The following MYCBP2 variants were observed in gnomAD, a reference collection of about 807,000 sequenced individuals.
The protein encoded by MYCBP2 is MYC binding protein 2, also known as E3 ubiquitin-protein ligase MYCBP2.
In MYCBP2, 120 loss-of-function variants were observed where a neutral mutation model predicts 525.3. That is an observed-to-expected ratio of 0.23 (90% CI 0.20 to 0.27). The LOEUF (loss-of-function observed/expected upper bound fraction) is 0.27, where lower values mean the gene tolerates loss of function less well. MYCBP2 is among the 10% of genes least tolerant of loss of function. The probability of loss-of-function intolerance (pLI) is 1.00; values close to 1 mark genes in which losing one functional copy is unlikely to be tolerated. For synonymous variants in MYCBP2, 1,894 were observed against 1,955.8 expected, an observed-to-expected ratio of 0.97 and a Z score of 0.83; for missense variants, 4,149 against 5,657.1, an observed-to-expected ratio of 0.73 and a Z score of 8.55.
At position 77,051,769 on chromosome 13, in the gene MYCBP2, A is replaced by G. The variant is rs746202161; in HGVS notation, c.13755+42T>C. ...TATTGTTTAAAAAATAATACTATTT[A>G]ACATTTCTAAACTGTTGTTTCTAAT... is the stretch of plus-strand genomic sequence containing the variant. On this transcript the variant is annotated intron_variant, in intron 81 of 82. Coordinates refer to ENST00000544440, the MANE Select transcript of MYCBP2 (RefSeq NM_015057.5). 20 of 1,441,842 alleles carry G rather than the reference A, an allele frequency of 1.4e-5. No homozygotes were observed. The South Asian group carries it at 2.3e-4, about 17-fold the overall frequency. The allele number at this position is 1,441,842 out of a possible 1,614,324, so 89.3% of individuals were successfully genotyped here. A position where few individuals can be genotyped will look rare whatever the true frequency, so the allele number is the denominator to read the frequency against.
intron 1 of MYCBP2, among the ~76,000 whole-genome samples, chr13:77,304,886 C>T (rs1010313471): frequency 3.3e-5 from 5 of 151,572 alleles, no homozygotes; most frequent in Non-Finnish European, 7.4e-5. Context: ...AGATGCTGCC[C>T]ATAAATTTGA....
At chr13:77,181,645 T>C in intron 33 of MYCBP2, 56 bp downstream of exon 33, 2 of 1,436,194 alleles carry the variant, frequency 1.4e-6, no homozygotes, top group Non-Finnish European at 9.7e-7. Context: ...AGGCAATAAA[T>C]AAAACCATTT....
At chr13:77,294,143 C>CATATATATATATACAT (rs2077913987) in intron 2 of MYCBP2, among the ~76,000 whole-genome samples, 1 of 39,714 alleles carries the variant, frequency 2.5e-5, no homozygotes, top group Non-Finnish European at 8.0e-5. Context: ...TATATATATA[C>CATATATATATATACAT]ATATATATAA....
intron 38 of MYCBP2, among the ~76,000 whole-genome samples, chr13:77,170,571 AG>A (rs1304966230): frequency 6.6e-6 from 1 of 150,454 alleles, no homozygotes; most frequent in Non-Finnish European, 1.5e-5. Flanking sequence ...AAGGAGGTGG[AG>A]GTAACTTTTT....
intron 19 of MYCBP2, among the ~76,000 whole-genome samples, chr13:77,224,745 A>G (rs1292796348): frequency 2.6e-5 from 4 of 152,184 alleles, no homozygotes; most frequent in Non-Finnish European, 5.9e-5. Flanking sequence ...TTTTCATAAT[A>G]CACACTTAAA....
chr13:77,137,296 C>G (rs2053903059), intron 52 of MYCBP2, among the ~76,000 whole-genome samples: 1 of 152,204 alleles, frequency 6.6e-6, no homozygotes, highest in Non-Finnish European at 1.5e-5. Context: ...TTCCTTTCTA[C>G]TTTTGTTTAT....
intron 49 of MYCBP2, among the ~76,000 whole-genome samples, chr13:77,142,762 C>A (rs2054891866): frequency 6.6e-6 from 1 of 152,148 alleles, no homozygotes; most frequent in African/African-American, 2.4e-5. Flanking sequence ...AACCCCAAAT[C>A]CAAAATGATC....
intron 15 of MYCBP2, among the ~76,000 whole-genome samples, chr13:77,245,697 A>C (rs2069756229): frequency 6.6e-6 from 1 of 151,656 alleles, no homozygotes; most frequent in Admixed American, 6.6e-5. Flanking sequence ...GTGTATACCT[A>C]TGTAACAAAC....
chr13:77,106,420 C>T (rs1392786483), intron 55 of MYCBP2, among the ~76,000 whole-genome samples: 1 of 152,144 alleles, frequency 6.6e-6, no homozygotes, highest in East Asian at 1.9e-4. Context: ...GAATTGTAAA[C>T]AGGCTATTCA....
chr13:77,156,525 T>C (rs1400832161), intron 45 of MYCBP2, among the ~76,000 whole-genome samples: 3 of 152,220 alleles, frequency 2.0e-5, no homozygotes, highest in Admixed American at 1.3e-4. Context: ...GTGCATAATT[T>C]GAAGTCCTGA....
chr13:77,189,264 G>A (rs949869370), intron 29 of MYCBP2, among the ~76,000 whole-genome samples: 3 of 152,018 alleles, frequency 2.0e-5, no homozygotes, highest in Non-Finnish European at 2.9e-5. Context: ...TCGCAAGACC[G>A]AGTAGTAGAG....
At chr13:77,202,951 A>C (rs1417689721) in intron 26 of MYCBP2, among the ~76,000 whole-genome samples, 1 of 152,114 alleles carries the variant, frequency 6.6e-6, no homozygotes, top group Non-Finnish European at 1.5e-5. Context: ...CTGAATGGGC[A>C]AAAACTGGAA....
At chr13:77,211,068 C>T in intron 23 of MYCBP2, 99 bp downstream of exon 23, 2 of 885,586 alleles carry the variant, frequency 2.3e-6, no homozygotes, top group South Asian at 4.8e-5. Context: ...CAGGAGAGTA[C>T]TCACATGTGA....
chr13:77,210,459 T>C (rs2063860633), intron 23 of MYCBP2, among the ~76,000 whole-genome samples: 1 of 152,180 alleles, frequency 6.6e-6, no homozygotes, highest in African/African-American at 2.4e-5. Flanking sequence ...CCCAAAGTGC[T>C]GGGATTACAG....
At chr13:77,082,948 G>A (rs954080516) in intron 63 of MYCBP2, 84 bp downstream of exon 63, 7 of 1,345,782 alleles carry the variant, frequency 5.2e-6, no homozygotes, top group Non-Finnish European at 7.1e-6. Context: ...TATTTAAAGA[G>A]CTTTTTTTGG....
intron 44 of MYCBP2, among the ~76,000 whole-genome samples, chr13:77,159,927 T>G (rs2057687046): frequency 6.6e-6 from 1 of 152,176 alleles, no homozygotes; most frequent in African/African-American, 2.4e-5. Context: ...TTATTTTGAA[T>G]CTTAAGGTAC....
intron 62 of MYCBP2, among the ~76,000 whole-genome samples, chr13:77,086,759 C>A (rs527559599): frequency 6.6e-6 from 1 of 151,880 alleles, no homozygotes; most frequent in African/African-American, 2.4e-5. Flanking sequence ...TTAATTTTTA[C>A]GTATTTTCTT....
At position 77,286,590 on chromosome 13, in the gene MYCBP2, A is replaced by G. The variant is rs2076791878; in HGVS notation, c.594+1571T>C. ...AACACGGTGAAACCCCGTCTCTACT[A>G]AAAATACAAAAAAAAATTAGCCGGG... is the stretch of plus-strand genomic sequence containing the variant. On this transcript the variant is annotated intron_variant, in intron 3 of 82. Transcript: ENST00000544440. 2.7e-5 allele frequency among the ~76,000 whole-genome samples: 4 copies of G among 148,520 alleles called. No homozygotes were observed. The South Asian group carries it at 8.6e-4, about 32-fold the overall frequency.
At chr13:77,056,099 GGTGTGT>G (rs56952443) in intron 79 of MYCBP2, among the ~76,000 whole-genome samples, 8,791 of 120,410 alleles carry the variant, frequency 0.073, 341 homozygotes, top group Middle Eastern at 0.093. Flanking sequence ...CTCTGTGTTT[GGTGTGT>G]GTGTGTGTGT....
Sources: gnomAD v4.1 joint callset for allele counts (sites outside exome capture counted in the v4.1 genomes callset) on GRCh38, gnomAD v4.1.1 for gene constraint, MANE v1.5 for transcripts, NCBI Gene and HGNC (gene_info 2026-07-23, HGNC 2026-07-21) for gene names.